SESN1: variants seen among roughly 807,000 people sequenced by gnomAD.
SESN1 encodes sestrin-1.
In SESN1, 30 loss-of-function variants were observed where a neutral mutation model predicts 59.3. The observed-to-expected ratio is 0.51, with a 90% CI of 0.38 to 0.69. The LOEUF is 0.69. Ranked by LOEUF, SESN1 falls within the 30% of genes least tolerant of loss-of-function variation. The pLI, the probability that SESN1 is intolerant of heterozygous loss-of-function variation, is 0.00. For missense variants in SESN1, 566 were observed against 673.0 expected, an observed-to-expected ratio of 0.84 and a Z score of 1.76; for synonymous variants, 197 against 219.9, an observed-to-expected ratio of 0.90 and a Z score of 0.92.
At chr6:109,077,007 G>A (rs1029714830) in intron 1 of SESN1, among the ~76,000 whole-genome samples, 7 of 152,160 alleles carry the variant, frequency 4.6e-5, no homozygotes, top group Non-Finnish European at 8.8e-5. Flanking sequence ...CCTAGGCTGC[G>A]AACTTCTATA....
At position 109,016,743 on chromosome 6, in the gene SESN1, C is replaced by T. The variant is rs572459411; in HGVS notation, c.280-14400G>A. 2.6e-5 allele frequency among the ~76,000 whole-genome samples: 4 copies of T among 152,150 alleles called. No homozygotes were observed. In the South Asian group the frequency reaches 8.3e-4, roughly 32 times the overall value. ...GCTTTCTGTTTTGCCAAAACATACT[C>T]TCAAACAATAAAAGATATAATACCA... On this transcript the variant is annotated intron_variant, in intron 1 of 9. Coordinates refer to ENST00000436639, the MANE Select transcript of SESN1 (RefSeq NM_014454.3).
At chr6:109,088,047 G>C (rs575215666) in intron 1 of SESN1, 2 of 152,274 alleles carry the variant, frequency 1.3e-5, no homozygotes, top group Admixed American at 1.3e-4. Context: ...ATCAATGACT[G>C]GCTTAGAAAA....
At chr6:109,060,173 G>A (rs1780709102) in intron 1 of SESN1, among the ~76,000 whole-genome samples, 1 of 151,734 alleles carries the variant, frequency 6.6e-6, no homozygotes, top group Non-Finnish European at 1.5e-5. Context: ...TCTAATCTGT[G>A]GAAAAAGCCA....
chr6:108,986,370 G>GTAGA lies in SESN1; in HGVS notation c.*1170_*1173dup, dbSNP rs3834318. On this transcript the variant is annotated 3_prime_UTR_variant, in exon 10 of 10. Transcript: ENST00000436639. ...GTGTGAATGTACTTGGCTTATGAAA[G>GTAGA]TAGATAGAAACTCAAAATTATTACT... is the stretch of plus-strand genomic sequence containing the variant. 0.058 allele frequency: 8,835 copies of GTAGA among 152,612 alleles called. 516 individuals carry two copies. The highest frequency in any genetic ancestry group is 0.15 in the African/African-American group (6,296 of 41,490). 9.5% of individuals were successfully genotyped at this position (152,612 alleles called of 1,614,324 possible).
intron 1 of SESN1, among the ~76,000 whole-genome samples, chr6:109,070,750 T>A (rs1780920114): frequency 6.6e-6 from 1 of 152,192 alleles, no homozygotes; most frequent in Non-Finnish European, 1.5e-5. Context: ...AATCCAAAAT[T>A]CTTAAAGTGG....
intron 1 of SESN1, among the ~76,000 whole-genome samples, chr6:109,051,356 A>C (rs1384845888): frequency 6.6e-6 from 1 of 152,238 alleles, no homozygotes; most frequent in Non-Finnish European, 1.5e-5. Context: ...ACTTCAGTGA[A>C]AAATGTAACA....
At chr6:109,001,166 C>T (rs1316157312) in intron 3 of SESN1, 122 bp downstream of exon 3, 1 of 836,938 alleles carries the variant, frequency 1.2e-6, no homozygotes, top group Non-Finnish European at 1.8e-6. Context: ...AGAGACTGTG[C>T]AACAGGAATC....
intron 1 of SESN1, among the ~76,000 whole-genome samples, chr6:109,064,528 A>T (rs1188832369): frequency 1.4e-5 from 2 of 144,046 alleles, no homozygotes; most frequent in Non-Finnish European, 1.5e-5. Context: ...AAATCAAAAC[A>T]TGGGACATAA....
intron 1 of SESN1, among the ~76,000 whole-genome samples, chr6:109,022,336 C>T (rs1355153513): frequency 6.9e-6 from 1 of 144,988 alleles, no homozygotes; most frequent in East Asian, 2.1e-4. Flanking sequence ...AGAAGCAGGG[C>T]AATGCTATAC....
In SESN1 at chr6:109,000,639, T is replaced by G. The variant is rs755780757; in HGVS notation, c.581A>C (p.Asn194Thr). ...ATGAAGGAAATCATTTACATGCAGG[T>G]TCACTAAGTAGGAGCACTGATGTCT... ...AARHQCSYLV[N>T]LHVNDFLHVG... The change falls in exon 4 of 10, where the codon AAC becomes ACC. Residue 194 changes from asparagine to threonine, a missense_variant. Physicochemically the swap from Asn to Thr is moderately conservative, Grantham distance 65 (BLOSUM62 0). Transcript: ENST00000436639. 1 of 1,609,956 alleles carries G rather than the reference T, an allele frequency of 6.2e-7. No homozygotes were observed. The highest frequency in any genetic ancestry group is 1.1e-5 in the South Asian group (1 of 90,046).
At chr6:109,011,335 T>C (rs1452191207) in intron 1 of SESN1, among the ~76,000 whole-genome samples, 4 of 152,316 alleles carry the variant, frequency 2.6e-5, no homozygotes, top group Non-Finnish European at 4.4e-5. Flanking sequence ...GATTCCTTTT[T>C]CCCCCAGATA....
chr6:108,988,740 C>G, intron 8 of SESN1, 53 bp from the exon 9 acceptor site: 1 of 1,433,588 alleles, frequency 7.0e-7, no homozygotes, highest in East Asian at 2.4e-5. Flanking sequence ...AACCTGTTTT[C>G]ATCTTACAAA....
chr6:109,030,292 AAAG>A (rs1334322101), intron 1 of SESN1, among the ~76,000 whole-genome samples: 7 of 152,238 alleles, frequency 4.6e-5, no homozygotes, highest in African/African-American at 1.7e-4. Context: ...TGGATCTAGA[AAAG>A]AATATCAAAT....
intron 1 of SESN1, among the ~76,000 whole-genome samples, chr6:109,062,603 C>T (rs192650122): frequency 3.3e-5 from 5 of 152,234 alleles, no homozygotes; most frequent in Admixed American, 6.5e-5. Context: ...ATGGTGTGTG[C>T]GTGTGAAAGA....
intron 2 of SESN1, among the ~76,000 whole-genome samples, chr6:109,001,821 C>T (rs896317976): frequency 2.0e-5 from 3 of 152,194 alleles, no homozygotes; most frequent in East Asian, 1.9e-4. Context: ...TTTACAAAAC[C>T]GCCTACTCTC....
chr6:108,985,077 T>C lies in SESN1; in HGVS notation c.*2467A>G, dbSNP rs1562449218. On this transcript the variant is annotated 3_prime_UTR_variant, in exon 10 of 10. Transcript: ENST00000436639. ...ATGATTCATATATGATATTCACATA[T>C]ACAAATATGCTAGTAACATTTCTGA... Among the ~76,000 whole-genome samples the C allele has an allele frequency of 6.6e-6, 1 of 152,196 alleles. No homozygotes were observed. The highest frequency in any genetic ancestry group is 2.4e-5 in the African/African-American group (1 of 41,450).
At chr6:109,093,144 C>A (rs1583304478) in intron 1 of SESN1, among the ~76,000 whole-genome samples, 2 of 152,112 alleles carry the variant, frequency 1.3e-5, no homozygotes, top group East Asian at 3.8e-4. Context: ...TAACCTGCTG[C>A]ACTCGTATCT....
Position 108,994,523 on chromosome 6 carries a change from C to G in SESN1, c.1059G>C (p.Gln353His), listed in dbSNP as rs1779462626. 1.2e-6 allele frequency: 2 copies of G among 1,613,406 alleles called. No individual in the cohort carries two copies. Among genetic ancestry groups the G allele is most frequent in the South Asian group, 2.2e-5 (2 of 91,050 alleles). The change falls in exon 6 of 10, where the codon CAG (glutamine) becomes CAC (histidine). Residue 353 changes from glutamine (Q) to histidine (H), a missense_variant. Transcript: ENST00000436639. ...QECRDEEEAS[Q>H]EEMASRFEIE... ...TTTCAAAACGTGAAGCCATCTCTTC[C>G]TGACTTGCCTCTTCTTCATCTCGAC...
rs748066551 is a variant in SESN1 at position 108,998,657 on chromosome 6, G to A, written c.828C>T (p.Phe276=). 26 of 1,613,706 alleles carry A rather than the reference G, an allele frequency of 1.6e-5. No individual in the cohort carries two copies. The highest frequency in any genetic ancestry group is 6.7e-5 in the East Asian group (3 of 44,886). Residue 276 remains phenylalanine, a synonymous_variant, in exon 5 of 10, where the codon TTC becomes TTT. Coordinates refer to ENST00000436639, the MANE Select transcript of SESN1 (RefSeq NM_014454.3). The part of the protein sequence containing the change: ...THYHSLASFT[F]GCGISPEIHC... ...GAATTTCTGGACTGATTCCACAGCC[G>A]AATGTGAATGAGGCAAGAGAATGAT...
Sources: allele counts gnomAD v4.1 joint callset (sites outside exome capture counted in the v4.1 genomes callset), GRCh38; gene constraint gnomAD v4.1.1; transcripts MANE v1.5; gene names NCBI Gene and HGNC (gene_info 2026-07-23, HGNC 2026-07-21).